The following TACC1 variants were observed in gnomAD, a reference collection of about 807,000 sequenced individuals.
TACC1 encodes the protein transforming acidic coiled-coil containing protein 1, also known as transforming acidic coiled-coil-containing protein 1.
A neutral mutation model predicts 84.4 loss-of-function variants in TACC1; 48 were observed. The ratio of observed to expected loss-of-function variants is 0.57; its 90% CI spans 0.45 to 0.72. The LOEUF is 0.72. TACC1 is among the 30% of genes least tolerant of loss of function. The pLI is 0.00. For synonymous variants in TACC1, 372 were observed against 376.3 expected (o/e 0.99, Z 0.13); for missense variants, 920 against 973.0 (o/e 0.95, Z 0.72).
intron 3 of TACC1, among the ~76,000 whole-genome samples, chr8:38,780,455 C>T (rs1438981688): frequency 1.3e-5 from 2 of 152,058 alleles, no homozygotes; most frequent in Admixed American, 6.5e-5. Flanking sequence ...CTCCGCCTCC[C>T]GGGTTCAAGC....
chr8:38,802,343 T>G (rs1385979793), intron 2 of TACC1: 1 of 152,298 alleles, frequency 6.6e-6, no homozygotes, highest in African/African-American at 2.4e-5. Flanking sequence ...CATTACTGCC[T>G]GAGCTCCACC....
At chr8:38,773,593 T>TATCTATCTAAG (rs1563381969) in intron 3 of TACC1, among the ~76,000 whole-genome samples, 2 of 113,386 alleles carry the variant, frequency 1.8e-5, no homozygotes, top group Non-Finnish European at 4.2e-5. Context: ...TATCTAGCTA[T>TATCTATCTAAG]CTATCTATCT....
At chr8:38,745,515 T>C (rs768483617) in intron 3 of TACC1, 8 of 685,776 alleles carry the variant, frequency 1.2e-5, no homozygotes, top group African/African-American at 3.6e-5. Context: ...AATTTTTGTT[T>C]TCTTGTTTTT....
At chr8:38,744,546 ATTTG>A (rs976989277) in intron 2 of TACC1, among the ~76,000 whole-genome samples, 3 of 151,894 alleles carry the variant, frequency 2.0e-5, no homozygotes, top group African/African-American at 7.3e-5. Context: ...GGTTTTGTTT[ATTTG>A]TTTGTTTGTT....
intron 1 of TACC1, among the ~76,000 whole-genome samples, chr8:38,733,839 C>T (rs575864071): frequency 5.9e-5 from 9 of 152,138 alleles, no homozygotes; most frequent in East Asian, 5.8e-4. Flanking sequence ...CAAGCATGGG[C>T]GTGTTTATAA....
At chr8:38,826,138 A>G (rs1270240509) in intron 4 of TACC1, among the ~76,000 whole-genome samples, 1 of 152,204 alleles carries the variant, frequency 6.6e-6, no homozygotes, top group Admixed American at 6.5e-5. Flanking sequence ...TCAATTTAAC[A>G]TAACTTTTCC....
At chr8:38,746,646 A>G (rs1244187591) in intron 3 of TACC1, among the ~76,000 whole-genome samples, 10 of 152,120 alleles carry the variant, frequency 6.6e-5, no homozygotes, top group Admixed American at 1.3e-4. Context: ...TTCCTTTAAC[A>G]TGTCCACTTG....
At chr8:38,778,453 C>G (rs967270981) in intron 3 of TACC1, among the ~76,000 whole-genome samples, 1 of 152,168 alleles carries the variant, frequency 6.6e-6, no homozygotes, top group African/African-American at 2.4e-5. Flanking sequence ...CCCCCTCGCT[C>G]CATAAATGGA....
chr8:38,829,758 T>C (rs1162397162), intron 5 of TACC1, among the ~76,000 whole-genome samples: 9 of 152,224 alleles, frequency 5.9e-5, no homozygotes, highest in Non-Finnish European at 1.3e-4. Context: ...CAGTGCTGTC[T>C]TCAAAGTTAG....
In TACC1 at chr8:38,787,260, CA is replaced by C; in HGVS notation, c.-322del. 1 of 1,044,850 alleles carries C rather than the reference CA, an allele frequency of 9.6e-7. No homozygotes were observed. The highest frequency in any genetic ancestry group is 1.7e-5 in the African/African-American group (1 of 59,462). 64.7% of individuals were successfully genotyped at this position (1,044,850 alleles called of 1,614,324 possible). A position where few individuals can be genotyped will look rare whatever the true frequency, so the allele number is the denominator to read the frequency against. On this transcript the variant is annotated 5_prime_UTR_variant, in exon 1 of 13. Coordinates refer to ENST00000317827, the MANE Select transcript of TACC1 (RefSeq NM_006283.3). Reference sequence around the variant, plus strand: ...GGAGTCCGCGAGCCGGGAGCGGGAGCAGCAGAGGTCTAGCAGCCGGGCGCCG... The same window carrying C: ...GGAGTCCGCGAGCCGGGAGCGGGAGCGCAGAGGTCTAGCAGCCGGGCGCCG...
intron 3 of TACC1, among the ~76,000 whole-genome samples, chr8:38,775,209 T>C (rs1005716874): frequency 1.3e-5 from 2 of 152,174 alleles, no homozygotes; most frequent in Non-Finnish European, 2.9e-5. Context: ...CATACCTTCA[T>C]ACCTTCCTTG....
At chr8:38,787,829 C>A in intron 1 of TACC1, 86 bp downstream of exon 1, 1 of 1,289,982 alleles carries the variant, frequency 7.8e-7, no homozygotes, top group Non-Finnish European at 1.0e-6. Context: ...GTGTGGTCGC[C>A]ACCCGCGAAA....
chr8:38,791,856 C>T lies in TACC1; in HGVS notation c.277+3037C>T, dbSNP rs1263563895. Among the ~76,000 whole-genome samples, 3 of 152,268 alleles carry T rather than the reference C, an allele frequency of 2.0e-5. No homozygotes were observed. In the East Asian group the frequency reaches 5.8e-4, roughly 29 times the overall value. On this transcript the variant is annotated intron_variant, in intron 2 of 12. Coordinates refer to ENST00000317827, the MANE Select transcript of TACC1 (RefSeq NM_006283.3). ...CCCTCAAACGTGTGGGCTACATTTA[C>T]CATACCCATGGCTCCTGTGCTGACT...
Position 38,836,211 on chromosome 8 carries a change from G to A in TACC1, c.1763G>A (p.Gly588Glu), listed in dbSNP as rs1830200949. Residue 588 changes from glycine (G) to glutamate (E), a missense_variant, in exon 7 of 13, where the codon GGA becomes GAA. Gly to Glu is a moderately conservative substitution (Grantham distance 98, BLOSUM62 -2). Coordinates refer to ENST00000317827, the MANE Select transcript of TACC1 (RefSeq NM_006283.3). ...AEKAPVSVSC[G>E]GESPLDGICL... ...AAGGCCCCTGTGTCGGTGTCCTGTG[G>A]AGGTGAGAGCCCCCTGGATGGGATC... 4 of 1,613,426 alleles carry A rather than the reference G, an allele frequency of 2.5e-6. No individual in the cohort carries two copies. In the East Asian group the frequency reaches 8.9e-5, roughly 36 times the overall value.
At chr8:38,827,568 G>A in intron 5 of TACC1, 193 bp downstream of exon 5, 2 of 608,532 alleles carry the variant, frequency 3.3e-6, no homozygotes, top group Non-Finnish European at 5.8e-6. Context: ...TAGGAACGTA[G>A]AGATACTTGT....
chr8:38,738,904 T>C (rs1337496211), intron 1 of TACC1, among the ~76,000 whole-genome samples: 1 of 152,186 alleles, frequency 6.6e-6, no homozygotes, highest in African/African-American at 2.4e-5. Context: ...GACTTCTTTT[T>C]TTTGAGACTG....
At chr8:38,757,352 A>G in intron 3 of TACC1, 1 of 1,266,380 alleles carries the variant, frequency 7.9e-7, no homozygotes, top group Non-Finnish European at 1.0e-6. Context: ...TCCCACTCTC[A>G]GACCCCGAGG....
intron 2 of TACC1, among the ~76,000 whole-genome samples, chr8:38,814,117 A>G (rs939409758): frequency 2.6e-5 from 4 of 152,310 alleles, no homozygotes; most frequent in African/African-American, 9.6e-5. Context: ...GGATAATCAA[A>G]TAGAACTTAT....
At position 38,757,358 on chromosome 8, in the gene TACC1, C is replaced by T. The variant is rs950323202; in HGVS notation, c.26+11865C>T. On this transcript the variant is annotated intron_variant, in intron 3 of 14. Transcript: ENST00000518415. ...ATGGGAGGCTCCCACTCTCAGACCC[C>T]GAGGGGCCGGGAACCCGCCGGGGAG... The T allele has an allele frequency of 1.5e-5, 19 of 1,266,054 alleles. No homozygotes were observed. The South Asian group carries it at 2.1e-4, about 14-fold the overall frequency. The allele number at this position is 1,266,054 out of a possible 1,614,324, so 78.4% of individuals were successfully genotyped here.
Sources: gnomAD v4.1 joint callset for allele counts (sites outside exome capture counted in the v4.1 genomes callset) on GRCh38, gnomAD v4.1.1 for gene constraint, MANE v1.5 for transcripts, NCBI Gene and HGNC (gene_info 2026-07-23, HGNC 2026-07-21) for gene names.